The following CTNNA2 variants were observed in gnomAD, a reference collection of about 807,000 sequenced individuals.
CTNNA2 encodes the protein catenin alpha-2.
CTNNA2 carries 42 observed loss-of-function variants against 101.0 expected under a neutral mutation model. That is an observed-to-expected ratio of 0.42 (90% CI 0.32 to 0.54). The LOEUF (loss-of-function observed/expected upper bound fraction) is 0.54. Ranked by LOEUF, CTNNA2 falls within the 20% of genes least tolerant of loss-of-function variation. CTNNA2 has a pLI of 0.14. For missense variants in CTNNA2, 871 were observed against 1,223.1 expected (o/e 0.71, Z 4.29); for synonymous variants, 450 against 456.4 (o/e 0.99, Z 0.18).
At chr2:79,187,137 C>T (rs1025804165) in intron 1 of CTNNA2, among the ~76,000 whole-genome samples, 11 of 151,982 alleles carry the variant, frequency 7.2e-5, no homozygotes, top group Non-Finnish European at 1.6e-4. Context: ...GAAATATCCA[C>T]ATTTGTGTCT....
chr2:79,582,781 T>C (rs990514687), intron 1 of CTNNA2, among the ~76,000 whole-genome samples: 5 of 152,176 alleles, frequency 3.3e-5, no homozygotes, highest in Non-Finnish European at 7.4e-5. Context: ...CAGTAAAATG[T>C]ATTTCTTCTA....
At chr2:79,919,274 A>C (rs1354342893) in intron 7 of CTNNA2, among the ~76,000 whole-genome samples, 1 of 152,210 alleles carries the variant, frequency 6.6e-6, no homozygotes, top group African/African-American at 2.4e-5. Context: ...AGACTTCTCT[A>C]AATGAACTCT....
chr2:80,462,521 T>A (rs1464864060), intron 9 of CTNNA2, among the ~76,000 whole-genome samples: 1 of 152,138 alleles, frequency 6.6e-6, no homozygotes, highest in African/African-American at 2.4e-5. Context: ...TAATCATGAC[T>A]GGATTAAACA....
intron 7 of CTNNA2, among the ~76,000 whole-genome samples, chr2:80,349,401 T>C (rs1319031790): frequency 6.6e-6 from 1 of 152,172 alleles, no homozygotes; most frequent in Non-Finnish European, 1.5e-5. Context: ...GGGTATATTC[T>C]GGCATAAACT....
intron 7 of CTNNA2, among the ~76,000 whole-genome samples, chr2:80,116,248 C>T (rs1453386615): frequency 6.6e-6 from 1 of 151,852 alleles, no homozygotes; most frequent in Non-Finnish European, 1.5e-5. Context: ...TGGATTTGAC[C>T]TGTGGGCTAT....
Position 79,489,025 on chromosome 2 carries a change from AT to A in CTNNA2, c.-134-16027del, listed in dbSNP as rs201804796. ...ATGGAACCAGGCTGACAGTTTTCTC[AT>A]TCCCCATTCTCTCCTTTATCGACTT... On this transcript the variant is annotated intron_variant, in intron 4 of 21. Transcript: ENST00000466387. 3.4e-3 allele frequency among the ~76,000 whole-genome samples: 510 copies of A among 152,146 alleles called. 6 individuals are homozygous for A. Among genetic ancestry groups the A allele is most frequent in the African/African-American group, 0.011 (457 of 41,508 alleles).
chr2:79,216,845 A>G (rs934973676), intron 2 of CTNNA2, among the ~76,000 whole-genome samples: 3 of 152,084 alleles, frequency 2.0e-5, no homozygotes, highest in Non-Finnish European at 2.9e-5. Context: ...CCAGAACTGC[A>G]GTACTTGCCA....
intron 7 of CTNNA2, among the ~76,000 whole-genome samples, chr2:80,132,563 G>T (rs941389375): frequency 1.3e-5 from 2 of 152,112 alleles, no homozygotes; most frequent in African/African-American, 4.8e-5. Flanking sequence ...CCTTTGAATT[G>T]ATTATTTATT....
chr2:80,451,836 A>T lies in CTNNA2; in HGVS notation c.1290+32235A>T, dbSNP rs181576568. The stretch of plus-strand genomic sequence containing the variant: ...AAGAATTACAGATTCCTTCATGCTG[A>T]TGTCAGTTTCTCAGTCCAACATTTA... On this transcript the variant is annotated intron_variant, in intron 9 of 18. Transcript: ENST00000402739. Among the ~76,000 whole-genome samples the T allele has an allele frequency of 1.8e-3, 276 of 152,286 alleles. 2 individuals carry two copies. The highest frequency in any genetic ancestry group is 0.015 in the Admixed American group (235 of 15,302).
At chr2:80,215,486 G>C (rs1397797167) in intron 7 of CTNNA2, among the ~76,000 whole-genome samples, 1 of 152,178 alleles carries the variant, frequency 6.6e-6, no homozygotes, top group African/African-American at 2.4e-5. Flanking sequence ...TAACAGTCAG[G>C]ACCCTCAGCT....
intron 9 of CTNNA2, among the ~76,000 whole-genome samples, chr2:80,450,330 A>T (rs1351208673): frequency 6.6e-6 from 1 of 151,724 alleles, no homozygotes; most frequent in African/African-American, 2.4e-5. Flanking sequence ...TTTTTAAAGG[A>T]CCATTTATTA....
chr2:80,620,006 TCCA>T (rs1202123235), intron 18 of CTNNA2, among the ~76,000 whole-genome samples: 2 of 151,886 alleles, frequency 1.3e-5, no homozygotes, highest in Non-Finnish European at 2.9e-5. Context: ...GGCACTTTTC[TCCA>T]CTTCTTTCCT....
intron 2 of CTNNA2, among the ~76,000 whole-genome samples, chr2:79,275,091 G>T (rs1248716885): frequency 6.6e-6 from 1 of 152,056 alleles, no homozygotes; most frequent in African/African-American, 2.4e-5. Flanking sequence ...GAAGGCTTCA[G>T]TTATTTTCCT....
At chr2:79,490,777 T>C (rs1200347007) in intron 4 of CTNNA2, among the ~76,000 whole-genome samples, 1 of 152,222 alleles carries the variant, frequency 6.6e-6, no homozygotes, top group Admixed American at 6.5e-5. Flanking sequence ...ATTTTTCTAT[T>C]GATCTTGAGA....
chr2:79,384,792 C>A (rs193227627), intron 4 of CTNNA2, among the ~76,000 whole-genome samples: 39 of 151,918 alleles, frequency 2.6e-4, no homozygotes, highest in African/African-American at 9.2e-4. Context: ...TCCAGCCATC[C>A]CACCTTCATG....
chr2:79,710,668 C>A (rs1296556246), intron 2 of CTNNA2, among the ~76,000 whole-genome samples: 1 of 152,068 alleles, frequency 6.6e-6, no homozygotes, highest in Non-Finnish European at 1.5e-5. Flanking sequence ...TGGCCACAAG[C>A]CAATCAGCTT....
chr2:80,306,190 C>T (rs1676927711), intron 7 of CTNNA2, among the ~76,000 whole-genome samples: 2 of 152,110 alleles, frequency 1.3e-5, no homozygotes, highest in African/African-American at 4.8e-5. Flanking sequence ...TGAGATGTAT[C>T]ATTTAATTGG....
intron 2 of CTNNA2, among the ~76,000 whole-genome samples, chr2:79,252,138 G>A (rs1196994800): frequency 6.6e-6 from 1 of 152,116 alleles, no homozygotes; most frequent in Non-Finnish European, 1.5e-5. Flanking sequence ...TTATCTTTAT[G>A]CCTGAAATGC....
At chr2:79,294,909 G>A (rs894584548) in intron 2 of CTNNA2, among the ~76,000 whole-genome samples, 2 of 152,034 alleles carry the variant, frequency 1.3e-5, no homozygotes, top group Admixed American at 6.6e-5. Flanking sequence ...ATCTGCTGAT[G>A]GATATATTAT....
Sources: gnomAD v4.1 joint callset for allele counts (sites outside exome capture counted in the v4.1 genomes callset) on GRCh38, gnomAD v4.1.1 for gene constraint, MANE v1.5 for transcripts, NCBI Gene and HGNC (gene_info 2026-07-23, HGNC 2026-07-21) for gene names.